Variants in RBM26 observed in about 807,000 individuals in gnomAD.
The protein encoded by RBM26 is RNA binding motif protein 26.
Under a neutral mutation model 123.6 loss-of-function variants are expected in RBM26, and 30 were observed. The observed-to-expected ratio is 0.24, with a 90% CI of 0.18 to 0.33. The LOEUF is 0.33. RBM26 is among the 10% of genes least tolerant of loss of function. RBM26 has a pLI of 1.00. For missense variants in RBM26, 947 were observed against 1,203.6 expected (o/e 0.79, Z 3.15); for synonymous variants, 400 against 404.4 (o/e 0.99, Z 0.13).
intron 20 of RBM26, among the ~76,000 whole-genome samples, chr13:79,329,330 C>T (rs557861304): frequency 6.6e-6 from 1 of 151,678 alleles, no homozygotes; most frequent in African/African-American, 2.4e-5. Flanking sequence ...TATATATGTG[C>T]ATATACATAT....
At chr13:79,383,388 C>G (rs1388672839) in intron 1 of RBM26, among the ~76,000 whole-genome samples, 1 of 152,102 alleles carries the variant, frequency 6.6e-6, no homozygotes, top group Non-Finnish European at 1.5e-5. Context: ...AAAATACACA[C>G]TACAAAAGAT....
chr13:79,328,683 TAAAAAAAAAAA>T (rs747906560), intron 20 of RBM26, among the ~76,000 whole-genome samples: 2 of 38,480 alleles, frequency 5.2e-5, no homozygotes, highest in South Asian at 1.1e-3. Flanking sequence ...CTGCATTAAG[TAAAAAAAAAAA>T]AAAAAAAAAA....
chr13:79,327,514 T>C (rs1373624960), intron 20 of RBM26, among the ~76,000 whole-genome samples: 1 of 151,564 alleles, frequency 6.6e-6, no homozygotes, highest in Non-Finnish European at 1.5e-5. Flanking sequence ...AGTGTAGAAA[T>C]GTGAGAGGTA....
rs148153845 is a variant in RBM26, at chr13:79,326,097, T to C, written c.2821-3635A>G. Among the ~76,000 whole-genome samples the C allele has an allele frequency of 4.2e-3, 643 of 152,312 alleles. 1 individual carries two copies. The highest frequency in any genetic ancestry group is 0.014 in the African/African-American group (602 of 41,572). Reference sequence around the variant, plus strand: ...GTTTGTGTAAATACACTCTGTGATGTGTACACAACAATGAAATTGTCTAAC... The same window carrying C: ...GTTTGTGTAAATACACTCTGTGATGCGTACACAACAATGAAATTGTCTAAC... On this transcript the variant is annotated intron_variant, in intron 20 of 21. Coordinates refer to ENST00000438737, the MANE Select transcript of RBM26 (RefSeq NM_001366735.2).
intron 19 of RBM26, among the ~76,000 whole-genome samples, chr13:79,335,111 T>C (rs2070118846): frequency 6.6e-6 from 1 of 152,082 alleles, no homozygotes; most frequent in Admixed American, 6.5e-5. Flanking sequence ...TTCTAGTCCT[T>C]TATATATCAT....
chr13:79,366,571 A>C, intron 7 of RBM26, 62 bp downstream of exon 7: 2 of 1,440,496 alleles, frequency 1.4e-6, no homozygotes, highest in Non-Finnish European at 1.9e-6. Flanking sequence ...AGAATCTATT[A>C]AGTTTTAAAA....
At chr13:79,384,244 GTTT>G (rs5805028) in intron 1 of RBM26, among the ~76,000 whole-genome samples, 50 of 133,990 alleles carry the variant, frequency 3.7e-4, no homozygotes, top group Admixed American at 3.0e-4. Flanking sequence ...AGCTAATAAA[GTTT>G]TTTTTTTTTT....
At chr13:79,371,230 G>A (rs2075840501) in intron 4 of RBM26, 68 bp from the exon 5 acceptor site, 4 of 1,279,438 alleles carry the variant, frequency 3.1e-6, no homozygotes, top group Non-Finnish European at 4.4e-6. Flanking sequence ...CTAATTAAAT[G>A]CAAAAGTTAC....
intron 20 of RBM26, 103 bp from the exon 21 acceptor site, chr13:79,322,565 C>A (rs1021501917): frequency 1.2e-5 from 8 of 640,234 alleles, no homozygotes; most frequent in Non-Finnish European, 2.0e-5. Context: ...CTAAAGACAA[C>A]TGAAGATGGC....
intron 1 of RBM26, among the ~76,000 whole-genome samples, chr13:79,395,706 C>T (rs2078500160): frequency 6.6e-6 from 1 of 152,128 alleles, no homozygotes; most frequent in South Asian, 2.1e-4. Context: ...AATCATGCCA[C>T]TGCACTCCAG....
intron 1 of RBM26, among the ~76,000 whole-genome samples, chr13:79,394,910 A>C (rs2078423161): frequency 6.6e-6 from 1 of 152,228 alleles, no homozygotes; most frequent in Admixed American, 6.5e-5. Context: ...CTGGGATTAC[A>C]GGTGTGAGCC....
At chr13:79,353,618 T>TA (rs1374999672) in intron 13 of RBM26, among the ~76,000 whole-genome samples, 12 of 152,192 alleles carry the variant, frequency 7.9e-5, no homozygotes, top group Non-Finnish European at 5.9e-5. Context: ...TATTTGGTGA[T>TA]AATTTGGGAT....
intron 1 of RBM26, among the ~76,000 whole-genome samples, chr13:79,391,405 C>T (rs1290599863): frequency 1.3e-5 from 2 of 152,320 alleles, no homozygotes; most frequent in Non-Finnish European, 2.9e-5. Flanking sequence ...AATTCAACTA[C>T]ATAAAATGAA....
chr13:79,323,226 G>T lies in RBM26; in HGVS notation c.2821-764C>A, dbSNP rs1057049169. Among the ~76,000 whole-genome samples the T allele has an allele frequency of 2.4e-5, 3 of 123,348 alleles. No homozygotes were observed. In the East Asian group the frequency reaches 6.2e-4, roughly 25 times the overall value. The allele number at this position is 123,348 out of a possible 152,430, so 80.9% of individuals were successfully genotyped here. ...GTAACATGAACTAAGGTAAATCAGT[G>T]TTAGCAACATATTGCCAAATAACTT... On this transcript the variant is annotated intron_variant, in intron 20 of 21. Coordinates refer to ENST00000438737, the MANE Select transcript of RBM26 (RefSeq NM_001366735.2).
At chr13:79,324,580 G>GGTT (rs1015536807) in intron 20 of RBM26, among the ~76,000 whole-genome samples, 1 of 151,532 alleles carries the variant, frequency 6.6e-6, no homozygotes, top group African/African-American at 2.4e-5. Context: ...GAGAGAAAGG[G>GGTT]GTTGTTGTTG....
intron 1 of RBM26, among the ~76,000 whole-genome samples, chr13:79,398,719 T>A (rs2078805928): frequency 6.6e-6 from 1 of 151,856 alleles, no homozygotes; most frequent in Non-Finnish European, 1.5e-5. Context: ...AAAAAAAAAA[T>A]CTGAACTTAA....
chr13:79,354,237 T>C (rs1245011604), intron 13 of RBM26, among the ~76,000 whole-genome samples: 2 of 149,510 alleles, frequency 1.3e-5, no homozygotes, highest in African/African-American at 2.5e-5. Context: ...TTAAATACTA[T>C]AGGAAAAGTA....
chr13:79,327,480 G>A (rs541595768), intron 20 of RBM26, among the ~76,000 whole-genome samples: 3 of 152,042 alleles, frequency 2.0e-5, no homozygotes, highest in Admixed American at 6.6e-5. Context: ...AAAGGTAAAC[G>A]ATGAAATAAC....
At chr13:79,372,831 A>G in intron 3 of RBM26, among the ~76,000 whole-genome samples, 1 of 101,110 alleles carries the variant, frequency 9.9e-6, no homozygotes, top group South Asian at 2.3e-4. Context: ...TAAATATTTT[A>G]TATAAATATA....
Sources: allele counts gnomAD v4.1 joint callset (sites outside exome capture counted in the v4.1 genomes callset), GRCh38; gene constraint gnomAD v4.1.1; transcripts MANE v1.5; gene names NCBI Gene and HGNC (gene_info 2026-07-23, HGNC 2026-07-21).